Variants in DGKB observed in about 807,000 individuals in gnomAD.
DGKB encodes the protein diacylglycerol kinase beta, also known as 90 kDa diacylglycerol kinase.
In DGKB, 67 loss-of-function variants were observed where a neutral mutation model predicts 114.3. The ratio of observed to expected loss-of-function variants is 0.59; its 90% CI spans 0.48 to 0.72. The LOEUF is 0.72. DGKB is among the 30% of genes least tolerant of loss of function. The probability of loss-of-function intolerance (pLI) is 0.00; values close to 1 mark genes in which losing one functional copy is unlikely to be tolerated. For missense variants in DGKB, 907 were observed against 975.2 expected, an observed-to-expected ratio of 0.93 and a Z score of 0.93; for synonymous variants, 398 against 323.1, an observed-to-expected ratio of 1.23 and a Z score of -2.49.
At chr7:14,720,206 C>A (rs916081895) in intron 5 of DGKB, among the ~76,000 whole-genome samples, 3 of 152,100 alleles carry the variant, frequency 2.0e-5, no homozygotes, top group African/African-American at 7.2e-5. Context: ...AAATTTTTCT[C>A]AAACACCATC....
At chr7:14,890,536 C>T (rs900728990) in intron 1 of DGKB, among the ~76,000 whole-genome samples, 1 of 151,404 alleles carries the variant, frequency 6.6e-6, no homozygotes, top group Admixed American at 6.6e-5. Flanking sequence ...TGAACTGAAC[C>T]TGGAAATCAT....
At chr7:14,629,325 G>A (rs1187321593) in intron 14 of DGKB, among the ~76,000 whole-genome samples, 12 of 152,030 alleles carry the variant, frequency 7.9e-5, no homozygotes, top group African/African-American at 2.6e-4. Context: ...ATATTTAAGT[G>A]TATGTCCAAG....
chr7:14,367,816 G>A (rs771255912), intron 21 of DGKB, among the ~76,000 whole-genome samples: 1 of 151,800 alleles, frequency 6.6e-6, no homozygotes, highest in Non-Finnish European at 1.5e-5. Flanking sequence ...ACAGAACAGG[G>A]GAAACTGCCA....
chr7:14,569,555 C>T (rs1193568015), intron 20 of DGKB, among the ~76,000 whole-genome samples: 1 of 152,084 alleles, frequency 6.6e-6, no homozygotes, highest in Non-Finnish European at 1.5e-5. Flanking sequence ...AATTTTTGTG[C>T]CATCCCTATA....
chr7:14,834,305 G>T (rs1009177793), intron 2 of DGKB, among the ~76,000 whole-genome samples: 7 of 152,078 alleles, frequency 4.6e-5, no homozygotes, highest in Non-Finnish European at 1.0e-4. Context: ...AAATTGTGAT[G>T]ACTTGGCTAA....
At chr7:14,696,065 G>A (rs554678846) in intron 8 of DGKB, among the ~76,000 whole-genome samples, 47 of 152,170 alleles carry the variant, frequency 3.1e-4, no homozygotes, top group African/African-American at 1.1e-3. Context: ...ATTTGTTGTA[G>A]AAAGACTACT....
intron 1 of DGKB, among the ~76,000 whole-genome samples, chr7:14,932,496 G>A (rs548525411): frequency 6.6e-6 from 1 of 152,184 alleles, no homozygotes; most frequent in South Asian, 2.1e-4. Flanking sequence ...AACATCATTA[G>A]TCAGATTATT....
chr7:14,815,063 C>T (rs1843930522), intron 2 of DGKB: 1 of 152,114 alleles, frequency 6.6e-6, no homozygotes, highest in Non-Finnish European at 1.5e-5. Flanking sequence ...TGAATGAATA[C>T]AGAGGGGTAT....
rs1042981600 is a variant in DGKB, at chr7:14,145,345, T to C, written c.*3786A>G. On this transcript the variant is annotated 3_prime_UTR_variant, in exon 26 of 26. Transcript: ENST00000402815. Reference sequence around the variant, plus strand: ...CAAGGGTTTAATCTTTTAATAGAGATATTATTCAGTTATTTGAAAAATAAC... The same window carrying C: ...CAAGGGTTTAATCTTTTAATAGAGACATTATTCAGTTATTTGAAAAATAAC... 1.3e-5 allele frequency: 2 copies of C among 152,220 alleles called. No individual in the cohort carries two copies. Among genetic ancestry groups the C allele is most frequent in the African/African-American group, 4.8e-5 (2 of 41,468 alleles). The allele number at this position is 152,220 out of a possible 1,614,324, so 9.4% of individuals were successfully genotyped here. A position where few individuals can be genotyped will look rare whatever the true frequency, so the allele number is the denominator to read the frequency against.
At chr7:14,524,718 T>C (rs2128575483) in intron 20 of DGKB, among the ~76,000 whole-genome samples, 1 of 145,088 alleles carries the variant, frequency 6.9e-6, no homozygotes, top group African/African-American at 2.6e-5. Flanking sequence ...ATCGCACCAC[T>C]GCACTCCAGC....
At chr7:14,745,081 C>T (rs1833079847) in intron 4 of DGKB, among the ~76,000 whole-genome samples, 1 of 152,176 alleles carries the variant, frequency 6.6e-6, no homozygotes, top group Admixed American at 6.5e-5. Context: ...CCCATGCAAC[C>T]AATCTTAGCA....
At chr7:14,321,418 A>T (rs1445828362) in intron 23 of DGKB, among the ~76,000 whole-genome samples, 2 of 152,182 alleles carry the variant, frequency 1.3e-5, no homozygotes, top group African/African-American at 2.4e-5. Context: ...AACATAGTAA[A>T]TTTGAAATAA....
chr7:14,824,712 T>C (rs912544369), intron 2 of DGKB, among the ~76,000 whole-genome samples: 10 of 152,010 alleles, frequency 6.6e-5, no homozygotes, highest in Non-Finnish European at 1.3e-4. Context: ...AAATGTGTTG[T>C]TTATGTACAT....
chr7:14,947,614 AAAAC>A (rs1189703044), intron 1 of DGKB, among the ~76,000 whole-genome samples: 2 of 151,696 alleles, frequency 1.3e-5, no homozygotes, highest in Admixed American at 6.6e-5. Flanking sequence ...AAGAGCTTTA[AAAAC>A]AAACCTGAAA....
chr7:14,211,318 A>ATTTACTCTCGTGTTTTGTGATT (rs1787783987), intron 23 of DGKB, among the ~76,000 whole-genome samples: 1 of 57,772 alleles, frequency 1.7e-5, no homozygotes, highest in African/African-American at 2.8e-4. Context: ...GTTTTGTGAT[A>ATTTACTCTCGTGTTTTGTGATT]TTTACTCTCA....
chr7:14,861,575 C>T (rs1850982834), intron 1 of DGKB, among the ~76,000 whole-genome samples: 1 of 151,802 alleles, frequency 6.6e-6, no homozygotes, highest in Admixed American at 6.6e-5. Context: ...AGAACATTAC[C>T]AGCACATTAG....
intron 20 of DGKB, among the ~76,000 whole-genome samples, chr7:14,492,449 T>C (rs1269879157): frequency 8.5e-5 from 13 of 152,094 alleles, no homozygotes; most frequent in Non-Finnish European, 1.9e-4. Context: ...CTCATGTTTT[T>C]CCAACCTAAA....
upstream of DGKB, chr7:14,903,250 T>TGTGTG (rs1390558820): frequency 2.0e-5 from 3 of 153,226 alleles, no homozygotes; most frequent in South Asian, 2.1e-4. Flanking sequence ...TGTGTGTGTG[T>TGTGTG]GTGTTGAGGA....
chr7:14,620,761 C>A (rs1807476991), intron 15 of DGKB, among the ~76,000 whole-genome samples: 1 of 151,662 alleles, frequency 6.6e-6, no homozygotes, highest in South Asian at 2.1e-4. Context: ...AAATGCTATT[C>A]TTGATGCCAC....
Sources: allele counts gnomAD v4.1 joint callset (sites outside exome capture counted in the v4.1 genomes callset), GRCh38; gene constraint gnomAD v4.1.1; transcripts MANE v1.5; gene names NCBI Gene and HGNC (gene_info 2026-07-23, HGNC 2026-07-21).